Variants in COPG2 observed in about 807,000 individuals in gnomAD.
COPG2 encodes the protein coatomer subunit gamma-2.
COPG2 carries 37 observed loss-of-function variants against 46.3 expected under a neutral mutation model. The ratio of observed to expected loss-of-function variants is 0.80; its 90% confidence interval spans 0.61 to 1.05. The LOEUF (loss-of-function observed/expected upper bound fraction) is 1.05, where lower values mean the gene tolerates loss of function less well. Among genes scored for constraint, COPG2 ranks in the 50% least tolerant of loss-of-function variants. The probability of loss-of-function intolerance (pLI) is 0.00; values close to 1 mark genes in which losing one functional copy is unlikely to be tolerated. For missense variants in COPG2, 427 were observed against 387.8 expected, an observed-to-expected ratio of 1.10 and a Z score of -0.85; for synonymous variants, 159 against 129.7, an observed-to-expected ratio of 1.23 and a Z score of -1.53.
intron 20 of COPG2, among the ~76,000 whole-genome samples, chr7:130,515,737 C>T (rs1197169662): frequency 6.6e-6 from 1 of 151,842 alleles, no homozygotes; most frequent in Non-Finnish European, 1.5e-5. Flanking sequence ...ATGGAGGGTA[C>T]AAAAGGGAAG....
At chr7:130,656,336 A>T (rs1172693169) in intron 4 of COPG2, among the ~76,000 whole-genome samples, 1 of 152,178 alleles carries the variant, frequency 6.6e-6, no homozygotes, top group African/African-American at 2.4e-5. Flanking sequence ...CAAGCTTCCT[A>T]GAAATAAAAG....
rs577694145 is a variant in COPG2 at position 130,633,039 on chromosome 7, C to T, written c.324-15974G>A. Among the ~76,000 whole-genome samples, 94 of 152,264 alleles carry T rather than the reference C, an allele frequency of 6.2e-4. 1 individual carries two copies. Among genetic ancestry groups the T allele is most frequent in the African/African-American group, 2.1e-3 (89 of 41,538 alleles). On this transcript the variant is annotated intron_variant, in intron 5 of 23. Transcript: ENST00000425248. ...GTTAGTTTGCTGAGAATGATGGTTT[C>T]CAGCTTTATCCATGTCCCTGCAAAG... is the stretch of plus-strand genomic sequence containing the variant.
intron 9 of COPG2, among the ~76,000 whole-genome samples, chr7:130,589,833 C>T (rs920591112): frequency 1.3e-5 from 2 of 152,094 alleles, no homozygotes; most frequent in African/African-American, 2.4e-5. Context: ...TCTGGAGCTG[C>T]GCGTTAATCC....
intron 9 of COPG2, among the ~76,000 whole-genome samples, chr7:130,575,832 C>G (rs1430596088): frequency 6.6e-6 from 1 of 152,188 alleles, no homozygotes; most frequent in Non-Finnish European, 1.5e-5. Flanking sequence ...TCAGGAGACT[C>G]ACCTAACACA....
rs1799494018 is a variant in COPG2, at chr7:130,506,640, G to A, written c.*36C>T. ...ACTAGCCTAAAAGCCCACTGACCAT[G>A]TAGTGTGCATCAGTTTCCTCTTGTC... On this transcript the variant is annotated 3_prime_UTR_variant, in exon 24 of 24. Transcript: ENST00000425248. The A allele has an allele frequency of 2.6e-6, 2 of 767,492 alleles. No individual in the cohort carries two copies. Among genetic ancestry groups the A allele is most frequent in the East Asian group, 4.9e-5 (2 of 40,624 alleles). 47.5% of individuals were successfully genotyped at this position (767,492 alleles called of 1,614,324 possible). A position where few individuals can be genotyped will look rare whatever the true frequency, so the allele number is the denominator to read the frequency against.
intron 20 of COPG2, among the ~76,000 whole-genome samples, chr7:130,529,763 A>G (rs1799805839): frequency 3.3e-5 from 5 of 152,344 alleles, no homozygotes; most frequent in African/African-American, 1.2e-4. Context: ...CAGTGGACTC[A>G]AGCAGACTGA....
At chr7:130,523,243 G>A (rs1799740897) in intron 20 of COPG2, among the ~76,000 whole-genome samples, 1 of 151,686 alleles carries the variant, frequency 6.6e-6, no homozygotes, top group Admixed American at 6.6e-5. Context: ...TGGGGGGTGG[G>A]TTTCACCCGA....
chr7:130,624,747 T>G (rs1296052472), intron 5 of COPG2, among the ~76,000 whole-genome samples: 2 of 152,248 alleles, frequency 1.3e-5, no homozygotes, highest in Non-Finnish European at 2.9e-5. Context: ...GACATTCTTT[T>G]GTTCCTTTTT....
At chr7:130,509,960 A>G (rs781850978) in intron 20 of COPG2, 2 of 471,470 alleles carry the variant, frequency 4.2e-6, no homozygotes, top group Non-Finnish European at 8.5e-6. Flanking sequence ...AAAAGGAAAG[A>G]GGCCAGAAAG....
chr7:130,511,754 C>G (rs782035293), intron 20 of COPG2: 13 of 517,690 alleles, frequency 2.5e-5, no homozygotes, highest in African/African-American at 1.9e-4. Context: ...AATGGGGTAT[C>G]CTGTCTAGGT....
At chr7:130,531,332 A>G (rs1161980546) in intron 20 of COPG2, among the ~76,000 whole-genome samples, 4 of 152,112 alleles carry the variant, frequency 2.6e-5, no homozygotes, top group African/African-American at 7.2e-5. Context: ...GAAAAAAGAA[A>G]GTAGCCTCAC....
At chr7:130,536,325 C>T (rs1273213810) in intron 20 of COPG2, among the ~76,000 whole-genome samples, 1 of 151,854 alleles carries the variant, frequency 6.6e-6, no homozygotes, top group African/African-American at 2.4e-5. Flanking sequence ...GAGTAAAGGC[C>T]AGGGAGTCAA....
chr7:130,534,225 C>G (rs942827836), intron 20 of COPG2, among the ~76,000 whole-genome samples: 3 of 152,118 alleles, frequency 2.0e-5, no homozygotes, highest in Admixed American at 2.0e-4. Flanking sequence ...ACTGGGGTTA[C>G]AGAGAGGGCA....
At chr7:130,580,831 A>T (rs1436975608) in intron 9 of COPG2, among the ~76,000 whole-genome samples, 1 of 122,052 alleles carries the variant, frequency 8.2e-6, no homozygotes, top group Non-Finnish European at 1.7e-5. Flanking sequence ...CAATAACAGG[A>T]GCTGAAATTG....
At chr7:130,540,939 G>C (rs1799928796) in intron 20 of COPG2, among the ~76,000 whole-genome samples, 2 of 152,118 alleles carry the variant, frequency 1.3e-5, no homozygotes, top group African/African-American at 2.4e-5. Flanking sequence ...AAGGAACATA[G>C]ACAATAGCAA....
rs367881424 is a variant in COPG2 at position 130,514,375 on chromosome 7, T to C, written c.2150-5716A>G. On this transcript the variant is annotated intron_variant, in intron 20 of 23. Coordinates refer to ENST00000425248, the MANE Select transcript of COPG2 (RefSeq NM_012133.6). Reference sequence around the variant, plus strand: ...TTTGTTTCCAGGTACAGATGGTAGATGAAATTTTACTCTATATAATTAAGG... The same window carrying C: ...TTTGTTTCCAGGTACAGATGGTAGACGAAATTTTACTCTATATAATTAAGG... 2.5e-4 allele frequency among the ~76,000 whole-genome samples: 38 copies of C among 152,344 alleles called. 1 individual carries two copies. The East Asian group carries it at 4.1e-3, about 16-fold the overall frequency.
At chr7:130,606,218 T>C (rs1007828590) in intron 9 of COPG2, among the ~76,000 whole-genome samples, 1 of 135,828 alleles carries the variant, frequency 7.4e-6, no homozygotes, top group African/African-American at 2.8e-5. Flanking sequence ...AGAGCAAGAC[T>C]TTAAAATAAA....
intron 9 of COPG2, among the ~76,000 whole-genome samples, chr7:130,580,036 A>G (rs1215543271): frequency 1.1e-4 from 16 of 150,508 alleles, no homozygotes; most frequent in African/African-American, 3.6e-4. Context: ...AATCAACAGA[A>G]TATACATTTT....
intron 4 of COPG2, among the ~76,000 whole-genome samples, chr7:130,657,257 G>C (rs1554460023): frequency 6.6e-6 from 1 of 151,818 alleles, no homozygotes; most frequent in South Asian, 2.1e-4. Flanking sequence ...CCTTCCATAT[G>C]GATATTCAAT....
Sources: allele counts gnomAD v4.1 joint callset (sites outside exome capture counted in the v4.1 genomes callset), GRCh38; gene constraint gnomAD v4.1.1; transcripts MANE v1.5; gene names NCBI Gene and HGNC (gene_info 2026-07-23, HGNC 2026-07-21).